ADARB2: variants seen among roughly 807,000 people sequenced by gnomAD.
The protein encoded by ADARB2 is inactive double-stranded RNA-specific editase B2.
A neutral mutation model predicts 62.2 loss-of-function variants in ADARB2; 25 were observed. The ratio of observed to expected loss-of-function variants is 0.40; its 90% CI spans 0.29 to 0.56. ADARB2 has a LOEUF of 0.56. Ranked by LOEUF, ADARB2 falls within the 20% of genes least tolerant of loss-of-function variation. ADARB2 has a pLI of 0.43. For missense variants in ADARB2, 1,071 were observed against 1,077.4 expected, an observed-to-expected ratio of 0.99 and a Z score of 0.08; for synonymous variants, 572 against 500.8, an observed-to-expected ratio of 1.14 and a Z score of -1.90.
intron 3 of ADARB2, among the ~76,000 whole-genome samples, chr10:1,356,159 G>T (rs1187174672): frequency 6.6e-6 from 1 of 152,188 alleles, no homozygotes; most frequent in African/African-American, 2.4e-5. Flanking sequence ...AAGCCAGAAG[G>T]TTTGGGGATG....
chr10:1,415,018 G>A (rs1430295783), intron 1 of ADARB2, among the ~76,000 whole-genome samples: 1 of 151,434 alleles, frequency 6.6e-6, no homozygotes, highest in African/African-American at 2.4e-5. Flanking sequence ...TGGATGGATA[G>A]ATGGATGATA....
intron 4 of ADARB2, among the ~76,000 whole-genome samples, chr10:1,257,042 A>T (rs1161497017): frequency 6.6e-6 from 1 of 152,176 alleles, no homozygotes; most frequent in Non-Finnish European, 1.5e-5. Context: ...TTAAGCAACC[A>T]CTTGGTATGC....
chr10:1,328,828 A>G (rs1831901110), intron 3 of ADARB2, among the ~76,000 whole-genome samples: 1 of 151,954 alleles, frequency 6.6e-6, no homozygotes, highest in Admixed American at 6.6e-5. Context: ...ACCCGACTCT[A>G]CAAAAATAGA....
At chr10:1,509,100 C>G (rs904263513) in intron 1 of ADARB2, among the ~76,000 whole-genome samples, 1 of 152,174 alleles carries the variant, frequency 6.6e-6, no homozygotes, top group East Asian at 1.9e-4. Context: ...AATCGTGCCT[C>G]GTTTCCTGCT....
chr10:1,637,021 A>G (rs950244214), intron 1 of ADARB2, among the ~76,000 whole-genome samples: 68 of 151,818 alleles, frequency 4.5e-4, no homozygotes, highest in African/African-American at 1.5e-3. Flanking sequence ...TTTTTTCTGA[A>G]AAGTGCCCTC....
rs114657593 is a variant in ADARB2, at chr10:1,713,178, C to T, written c.100+23873G>A. Among the ~76,000 whole-genome samples the T allele has an allele frequency of 5.2e-3, 797 of 152,274 alleles. 5 individuals are homozygous for T. Among genetic ancestry groups the T allele is most frequent in the African/African-American group, 0.018 (750 of 41,538 alleles). On this transcript the variant is annotated intron_variant, in intron 1 of 9. Coordinates refer to ENST00000381312, the MANE Select transcript of ADARB2 (RefSeq NM_018702.4). ...CACACCTGGGTGCCGGCGAGGGGAC[C>T]GCACATACCTGGGGAGGTGTGGGTG...
At chr10:1,658,931 G>A (rs1410654896) in intron 1 of ADARB2, among the ~76,000 whole-genome samples, 1 of 152,210 alleles carries the variant, frequency 6.6e-6, no homozygotes, top group African/African-American at 2.4e-5. Context: ...TGGGGAGAAA[G>A]GGTTCTTCTG....
chr10:1,599,988 G>A (rs1394140386), intron 1 of ADARB2, among the ~76,000 whole-genome samples: 1 of 152,108 alleles, frequency 6.6e-6, no homozygotes, highest in Non-Finnish European at 1.5e-5. Context: ...CCAGAGATCT[G>A]AGCACCTAGG....
At chr10:1,233,924 T>A in intron 5 of ADARB2, 79 bp from the exon 6 acceptor site, 1 of 1,436,502 alleles carries the variant, frequency 7.0e-7, no homozygotes, top group Non-Finnish European at 9.3e-7. Flanking sequence ...GCTTGAGTCC[T>A]GTTTTGTAGA....
At chr10:1,678,899 G>T (rs900259146) in intron 1 of ADARB2, among the ~76,000 whole-genome samples, 1 of 152,168 alleles carries the variant, frequency 6.6e-6, no homozygotes, top group African/African-American at 2.4e-5. Flanking sequence ...ACATGTCCTA[G>T]CACAGAGGAG....
At chr10:1,225,117 A>G (rs1351758135) in intron 6 of ADARB2, among the ~76,000 whole-genome samples, 1 of 152,106 alleles carries the variant, frequency 6.6e-6, no homozygotes, top group Non-Finnish European at 1.5e-5. Context: ...GGGTGCATAT[A>G]TATTTAGGAT....
chr10:1,294,020 A>G (rs1034214147), intron 3 of ADARB2, among the ~76,000 whole-genome samples: 1 of 152,214 alleles, frequency 6.6e-6, no homozygotes, highest in Non-Finnish European at 1.5e-5. Context: ...GTGCAAACAA[A>G]GAAAAAACTT....
At chr10:1,202,973 G>C (rs1350421805) in intron 7 of ADARB2, among the ~76,000 whole-genome samples, 1 of 152,142 alleles carries the variant, frequency 6.6e-6, no homozygotes, top group African/African-American at 2.4e-5. Flanking sequence ...CAATAAAGAG[G>C]AAATCAACCT....
intron 1 of ADARB2, among the ~76,000 whole-genome samples, chr10:1,651,944 C>T (rs901620603): frequency 6.6e-6 from 1 of 151,498 alleles, no homozygotes; most frequent in Non-Finnish European, 1.5e-5. Flanking sequence ...CATCGAAAAG[C>T]ATCAGTTCTT....
intron 1 of ADARB2, among the ~76,000 whole-genome samples, chr10:1,430,163 C>T (rs1459365942): frequency 3.3e-5 from 5 of 152,158 alleles, no homozygotes; most frequent in Non-Finnish European, 7.3e-5. Flanking sequence ...AGTGGCAAGG[C>T]ACTGATGTCA....
At chr10:1,661,167 C>G (rs925553303) in intron 1 of ADARB2, among the ~76,000 whole-genome samples, 4 of 152,140 alleles carry the variant, frequency 2.6e-5, no homozygotes, top group Admixed American at 1.3e-4. Context: ...GTTTATTTTC[C>G]AAAATAAACC....
intron 1 of ADARB2, among the ~76,000 whole-genome samples, chr10:1,721,814 G>A (rs933036132): frequency 6.6e-6 from 1 of 152,060 alleles, no homozygotes; most frequent in Admixed American, 6.5e-5. Context: ...CTTGGTCAGT[G>A]CTCCTGGGGT....
chr10:1,571,206 G>A (rs1293409070), intron 1 of ADARB2, among the ~76,000 whole-genome samples: 1 of 152,054 alleles, frequency 6.6e-6, no homozygotes, highest in African/African-American at 2.4e-5. Flanking sequence ...ATCCAGCAAA[G>A]GAGACACACA....
intron 1 of ADARB2, among the ~76,000 whole-genome samples, chr10:1,388,344 C>T (rs1296664579): frequency 6.6e-6 from 1 of 152,130 alleles, no homozygotes; most frequent in Non-Finnish European, 1.5e-5. Flanking sequence ...TCTGCCTTCA[C>T]CACTTCTATT....
Sources: gnomAD v4.1 joint callset for allele counts (sites outside exome capture counted in the v4.1 genomes callset) on GRCh38, gnomAD v4.1.1 for gene constraint, MANE v1.5 for transcripts, NCBI Gene and HGNC (gene_info 2026-07-23, HGNC 2026-07-21) for gene names.